Variants in CPXM2 observed in about 807,000 individuals in gnomAD.
The protein encoded by CPXM2 is carboxypeptidase X, M14 family member 2, also known as inactive carboxypeptidase-like protein X2.
A neutral mutation model predicts 86.1 loss-of-function variants in CPXM2; 66 were observed. That is an observed-to-expected ratio of 0.77 (90% CI 0.63 to 0.94). The LOEUF is 0.94. CPXM2 is among the 40% of genes least tolerant of loss of function. CPXM2 has a pLI of 0.00. For synonymous variants in CPXM2, 388 were observed against 400.2 expected, an observed-to-expected ratio of 0.97 and a Z score of 0.36; for missense variants, 948 against 1,026.3, an observed-to-expected ratio of 0.92 and a Z score of 1.04.
intron 3 of CPXM2, chr10:123,843,412 C>CAA (rs1243747071): frequency 6.0e-6 from 2 of 332,772 alleles, no homozygotes; most frequent in African/African-American, 4.6e-5. Flanking sequence ...CCTATTTTTC[C>CAA]ATGGCTATTT....
At chr10:123,824,604 T>A (rs1219709) in intron 4 of CPXM2, among the ~76,000 whole-genome samples, 97,000 of 151,964 alleles carry the variant, frequency 0.64, 33,535 homozygotes, top group Non-Finnish European at 0.77. Flanking sequence ...TTTGCTGCAG[T>A]CAACCTGTAG....
chr10:123,924,901 C>A (rs1407484840), intron 2 of CPXM2, among the ~76,000 whole-genome samples: 2 of 152,146 alleles, frequency 1.3e-5, no homozygotes, highest in East Asian at 3.9e-4. Flanking sequence ...ACAAAATACC[C>A]CTATTAGAAC....
intron 2 of CPXM2, among the ~76,000 whole-genome samples, chr10:123,916,007 T>C (rs1011562075): frequency 3.9e-5 from 6 of 152,124 alleles, no homozygotes; most frequent in Non-Finnish European, 8.8e-5. Flanking sequence ...GTCACCAGCT[T>C]TGAAAGCTTG....
At chr10:123,753,682 C>T (rs1217550631) in intron 13 of CPXM2, among the ~76,000 whole-genome samples, 1 of 152,206 alleles carries the variant, frequency 6.6e-6, no homozygotes, top group African/African-American at 2.4e-5. Flanking sequence ...CAGCCTTCTG[C>T]TGTCCTGACG....
intron 2 of CPXM2, among the ~76,000 whole-genome samples, chr10:123,877,442 A>C (rs979255230): frequency 6.6e-6 from 1 of 152,206 alleles, no homozygotes; most frequent in Non-Finnish European, 1.5e-5. Context: ...TCAGCTGGGT[A>C]GCTCTGGGTT....
intron 3 of CPXM2, among the ~76,000 whole-genome samples, chr10:123,844,941 G>A (rs1039048603): frequency 6.6e-6 from 1 of 151,760 alleles, no homozygotes; most frequent in Non-Finnish European, 1.5e-5. Context: ...AGTGGCTCAC[G>A]TCTGTAACCC....
intron 1 of CPXM2, among the ~76,000 whole-genome samples, chr10:123,881,617 G>A (rs924539636): frequency 1.3e-5 from 2 of 152,210 alleles, no homozygotes; most frequent in Admixed American, 1.3e-4. Context: ...ACTGCAGTTG[G>A]CTTCTGGCTA....
intron 6 of CPXM2, among the ~76,000 whole-genome samples, chr10:123,788,618 A>ATTT (rs1847126590): frequency 6.6e-6 from 1 of 152,224 alleles, no homozygotes; most frequent in Admixed American, 6.5e-5. Flanking sequence ...ATTTAAAGAC[A>ATTT]AGACGCCTCT....
At position 123,746,219 on chromosome 10, in the gene CPXM2, G is replaced by A. The variant is rs1475943172; in HGVS notation, c.*545C>T. On this transcript the variant is annotated 3_prime_UTR_variant, in exon 14 of 14. Transcript: ENST00000241305. Reference sequence around the variant, plus strand: ...TCAAGAGGCTCACTGATGTGCACTTGGCAATGACGCTATTGTCAAAAGAAC... The same window carrying A: ...TCAAGAGGCTCACTGATGTGCACTTAGCAATGACGCTATTGTCAAAAGAAC... 1.3e-5 allele frequency: 2 copies of A among 156,058 alleles called. No homozygotes were observed. The highest frequency in any genetic ancestry group is 4.8e-5 in the African/African-American group (2 of 41,456). 9.7% of individuals were successfully genotyped at this position (156,058 alleles called of 1,614,324 possible). A position where few individuals can be genotyped will look rare whatever the true frequency, so the allele number is the denominator to read the frequency against.
intron 13 of CPXM2, among the ~76,000 whole-genome samples, chr10:123,748,439 C>T (rs985170727): frequency 8.5e-5 from 13 of 152,262 alleles, no homozygotes; most frequent in African/African-American, 2.9e-4. Context: ...TTCGAAGCAT[C>T]ATGTTGAAAT....
Position 123,798,103 on chromosome 10 carries a change from C to T in CPXM2, c.762G>A (p.Lys254=). Residue 254 remains lysine, a synonymous_variant, in exon 6 of 14, where the codon AAG becomes AAA. Coordinates refer to ENST00000241305, the MANE Select transcript of CPXM2 (RefSeq NM_198148.3). ...GTAGCTCATTGAGAACAGGGATCTC[C>T]TTCTCACTGTTTCCCTCAAATATCT... ...GDMIFEGNSE[K]EIPVLNELPV... 1 of 1,608,208 alleles carries T rather than the reference C, an allele frequency of 6.2e-7. No individual in the cohort carries two copies. The highest frequency in any genetic ancestry group is 8.5e-7 in the Non-Finnish European group (1 of 1,177,298).
chr10:123,817,958 G>T (rs1847847504), intron 4 of CPXM2, among the ~76,000 whole-genome samples: 1 of 152,228 alleles, frequency 6.6e-6, no homozygotes, highest in Non-Finnish European at 1.5e-5. Flanking sequence ...ATGGCCAGGT[G>T]TGCAATTACA....
intron 4 of CPXM2, among the ~76,000 whole-genome samples, chr10:123,820,154 A>T (rs1310693647): frequency 6.6e-6 from 1 of 152,098 alleles, no homozygotes; most frequent in African/African-American, 2.4e-5. Flanking sequence ...GGACCTTGTG[A>T]TCATGTGAGT....
intron 7 of CPXM2, chr10:123,777,808 C>T (rs1310021928): frequency 1.3e-5 from 2 of 152,380 alleles, no homozygotes; most frequent in Non-Finnish European, 2.9e-5. Context: ...CTCCCATCCC[C>T]CATGACTGTA....
At chr10:123,857,193 T>C (rs1848744084) in intron 3 of CPXM2, among the ~76,000 whole-genome samples, 1 of 152,110 alleles carries the variant, frequency 6.6e-6, no homozygotes, top group Admixed American at 6.5e-5. Context: ...TCTAACCTTA[T>C]ATTATTAAGT....
chr10:123,854,439 ACTTT>A (rs1848676277), intron 3 of CPXM2, among the ~76,000 whole-genome samples: 1 of 121,460 alleles, frequency 8.2e-6, no homozygotes, highest in Non-Finnish European at 1.7e-5. Flanking sequence ...TATATAATAT[ACTTT>A]TATATATAAT....
At position 123,745,924 on chromosome 10, in the gene CPXM2, A is replaced by T. The variant is rs1208536207; in HGVS notation, c.*840T>A. 2 of 151,886 alleles carry T rather than the reference A, an allele frequency of 1.3e-5. No homozygotes were observed. The highest frequency in any genetic ancestry group is 3.9e-4 in the East Asian group (2 of 5,108). 9.4% of individuals were successfully genotyped at this position (151,886 alleles called of 1,614,324 possible). A position where few individuals can be genotyped will look rare whatever the true frequency, so the allele number is the denominator to read the frequency against. On this transcript the variant is annotated 3_prime_UTR_variant, in exon 14 of 14. Transcript: ENST00000241305. ...TCAAGCAGAGAGAGGGCTTCAGGCCACCCCACTTCTGGCTCTTTCCAGTCC... is the reference window on the plus strand; with the variant it reads ...TCAAGCAGAGAGAGGGCTTCAGGCCTCCCCACTTCTGGCTCTTTCCAGTCC...
intron 4 of CPXM2, among the ~76,000 whole-genome samples, chr10:123,818,925 C>T (rs1473717284): frequency 1.3e-5 from 2 of 152,254 alleles, no homozygotes; most frequent in East Asian, 3.9e-4. Context: ...CACCACTCAC[C>T]ATCACCCCTA....
intron 4 of CPXM2, among the ~76,000 whole-genome samples, chr10:123,829,343 A>G (rs1258028105): frequency 1.3e-5 from 2 of 151,976 alleles, no homozygotes; most frequent in African/African-American, 4.8e-5. Flanking sequence ...CGCAATGAAC[A>G]GACAAATGTG....
Sources: allele counts gnomAD v4.1 joint callset (sites outside exome capture counted in the v4.1 genomes callset), GRCh38; gene constraint gnomAD v4.1.1; transcripts MANE v1.5; gene names NCBI Gene and HGNC (gene_info 2026-07-23, HGNC 2026-07-21).